Variants in XKR9 observed in about 807,000 individuals in gnomAD.
XKR9 encodes XK-related protein 9.
XKR9 carries 32 observed loss-of-function variants against 32.0 expected under a neutral mutation model. That is an observed-to-expected ratio of 1.00 (90% CI 0.76 to 1.34). XKR9 has a LOEUF of 1.34. Among genes scored for constraint, XKR9 ranks in the 40% most tolerant of loss-of-function variants. The pLI, the probability that XKR9 is intolerant of heterozygous loss-of-function variation, is 0.00. For missense variants in XKR9, 546 were observed against 429.7 expected (o/e 1.27, Z -2.39); for synonymous variants, 168 against 143.4 (o/e 1.17, Z -1.22).
At chr8:71,035,715 A>T in the XKR9 span, among the ~76,000 whole-genome samples, 16 of 152,276 alleles carry the variant, frequency 1.1e-4, 1 homozygote, top group South Asian at 2.3e-3. Flanking sequence ...TAGCACTGAC[A>T]TGTTTCAGCA....
At chr8:70,752,205 G>C (rs963909377) in intron 2 of XKR9, among the ~76,000 whole-genome samples, 5 of 152,190 alleles carry the variant, frequency 3.3e-5, no homozygotes, top group Non-Finnish European at 5.9e-5. Flanking sequence ...GAATCATATA[G>C]GATATGGTCT....
At chr8:70,813,375 G>A in the XKR9 span, among the ~76,000 whole-genome samples, 1 of 152,134 alleles carries the variant, frequency 6.6e-6, no homozygotes, top group East Asian at 1.9e-4. Flanking sequence ...CAGGACATAG[G>A]CATGCGCAAG....
At chr8:70,900,101 T>TA in the XKR9 span, among the ~76,000 whole-genome samples, 23 of 147,234 alleles carry the variant, frequency 1.6e-4, no homozygotes, top group Admixed American at 3.4e-4. Context: ...AAACTCTGTG[T>TA]AAAAAAAAAA....
the XKR9 span, among the ~76,000 whole-genome samples, chr8:70,824,761 T>G: frequency 6.6e-6 from 1 of 152,188 alleles, no homozygotes; most frequent in South Asian, 2.1e-4. Flanking sequence ...CTAGTGAATA[T>G]CTATGATTAC....
chr8:70,767,630 G>T (rs1320039981), intron 2 of XKR9, among the ~76,000 whole-genome samples: 4 of 151,186 alleles, frequency 2.6e-5, no homozygotes, highest in Middle Eastern at 3.4e-3. Context: ...CCAAGTAGCT[G>T]GGACTACAGG....
chr8:71,020,057 T>C, the XKR9 span, among the ~76,000 whole-genome samples: 1 of 152,206 alleles, frequency 6.6e-6, no homozygotes, highest in Non-Finnish European at 1.5e-5. Flanking sequence ...CATGTGCCAC[T>C]ATAGAGGTAA....
chr8:71,050,442 A>T, the XKR9 span, among the ~76,000 whole-genome samples: 1 of 152,084 alleles, frequency 6.6e-6, no homozygotes, highest in African/African-American at 2.4e-5. Context: ...CCTGGTAATG[A>T]TATACGGGGA....
the XKR9 span, among the ~76,000 whole-genome samples, chr8:70,846,565 C>T: frequency 6.6e-6 from 1 of 151,832 alleles, no homozygotes; most frequent in Non-Finnish European, 1.5e-5. Flanking sequence ...ATTTAATTTT[C>T]CACTTAAAAG....
chr8:70,921,286 G>A, the XKR9 span, among the ~76,000 whole-genome samples: 1 of 152,186 alleles, frequency 6.6e-6, no homozygotes. Context: ...TTCTGTGGAG[G>A]CCTCTGCAAT....
chr8:70,995,440 A>G, the XKR9 span, among the ~76,000 whole-genome samples: 1 of 152,192 alleles, frequency 6.6e-6, no homozygotes, highest in African/African-American at 2.4e-5. Flanking sequence ...CTGTCTTTTC[A>G]TTTGCAATTC....
At chr8:70,764,626 T>A (rs1807350865) in intron 2 of XKR9, among the ~76,000 whole-genome samples, 1 of 152,186 alleles carries the variant, frequency 6.6e-6, no homozygotes, top group African/African-American at 2.4e-5. Context: ...AATTCTGGGG[T>A]ACATGTGCAG....
chr8:70,915,761 A>G, the XKR9 span, among the ~76,000 whole-genome samples: 3 of 152,196 alleles, frequency 2.0e-5, no homozygotes, highest in Non-Finnish European at 4.4e-5. Context: ...TCTTTGACAT[A>G]TTTTGAGATG....
the XKR9 span, among the ~76,000 whole-genome samples, chr8:70,904,024 G>C: frequency 6.6e-6 from 1 of 151,030 alleles, no homozygotes; most frequent in African/African-American, 2.4e-5. Context: ...TTGCTGTGGA[G>C]TGCTTTACTT....
intron 2 of XKR9, among the ~76,000 whole-genome samples, chr8:70,745,000 T>G (rs1330147401): frequency 1.3e-5 from 2 of 150,226 alleles, no homozygotes; most frequent in Non-Finnish European, 3.0e-5. Context: ...TGTGTCACTG[T>G]TAGCTTGAAT....
chr8:70,732,891 G>A (rs1011784544), intron 4 of XKR9, among the ~76,000 whole-genome samples: 24 of 152,340 alleles, frequency 1.6e-4, no homozygotes, highest in Admixed American at 3.3e-4. Flanking sequence ...GCTGAGCTGG[G>A]TGGATCAATT....
chr8:70,678,569 T>A (rs1818960623), intron 2 of XKR9, among the ~76,000 whole-genome samples: 1 of 152,196 alleles, frequency 6.6e-6, no homozygotes, highest in African/African-American at 2.4e-5. Flanking sequence ...ACCTCCCGAT[T>A]AATCTCATCC....
chr8:70,870,720 A>G, the XKR9 span, among the ~76,000 whole-genome samples: 1 of 152,216 alleles, frequency 6.6e-6, no homozygotes, highest in African/African-American at 2.4e-5. Context: ...ATAATCCAAG[A>G]AAGTTCTAGT....
downstream of XKR9, among the ~76,000 whole-genome samples, chr8:70,791,767 G>T (rs997908183): frequency 3.3e-5 from 5 of 152,088 alleles, no homozygotes; most frequent in Admixed American, 2.0e-4. Flanking sequence ...GTGGTATTCT[G>T]TTATAGCTTC....
At chr8:70,987,311 C>G in the XKR9 span, among the ~76,000 whole-genome samples, 1 of 152,202 alleles carries the variant, frequency 6.6e-6, no homozygotes, top group African/African-American at 2.4e-5. Context: ...TGAGGCAAAT[C>G]CCTTCTGCCT....
Sources: gnomAD v4.1 joint callset for allele counts (sites outside exome capture counted in the v4.1 genomes callset) on GRCh38, gnomAD v4.1.1 for gene constraint, MANE v1.5 for transcripts, NCBI Gene and HGNC (gene_info 2026-07-23, HGNC 2026-07-21) for gene names.